The following ATP8B1 variants were observed in gnomAD, a reference collection of about 807,000 sequenced individuals.
ATP8B1 encodes the protein phospholipid-transporting ATPase IC.
A neutral mutation model predicts 149.9 loss-of-function variants in ATP8B1; 80 were observed. That is an observed-to-expected ratio of 0.53 (90% CI 0.45 to 0.64). The LOEUF (loss-of-function observed/expected upper bound fraction) is 0.64. ATP8B1 is among the 30% of genes least tolerant of loss of function. The pLI is 0.00. For missense variants in ATP8B1, 1,247 were observed against 1,552.6 expected (o/e 0.80, Z 3.31); for synonymous variants, 536 against 562.8 (o/e 0.95, Z 0.67).
At chr18:57,693,395 A>AT (rs1290514433) in intron 11 of ATP8B1, among the ~76,000 whole-genome samples, 1 of 152,010 alleles carries the variant, frequency 6.6e-6, no homozygotes, top group African/African-American at 2.4e-5. Context: ...TTTCCCAGTT[A>AT]TTTTTTATTC....
intron 1 of ATP8B1, among the ~76,000 whole-genome samples, chr18:57,738,620 CAATA>C (rs1026851103): frequency 9.5e-5 from 10 of 105,386 alleles, no homozygotes; most frequent in African/African-American, 1.4e-4. Flanking sequence ...ACTCTGCCTC[CAATA>C]AATAAATAAA....
chr18:57,652,246 G>A (rs377048061), intron 25 of ATP8B1, 74 bp from the exon 26 acceptor site: 2 of 1,584,506 alleles, frequency 1.3e-6, no homozygotes. Flanking sequence ...TAACAATCCT[G>A]AAAACAGAAT....
At chr18:57,706,122 A>G (rs958737054) in intron 3 of ATP8B1, among the ~76,000 whole-genome samples, 2 of 152,214 alleles carry the variant, frequency 1.3e-5, no homozygotes, top group Non-Finnish European at 2.9e-5. Flanking sequence ...AAATCTCTAA[A>G]TCCATTCCAG....
intron 1 of ATP8B1, among the ~76,000 whole-genome samples, chr18:57,789,304 G>T (rs1288693741): frequency 6.6e-6 from 1 of 152,088 alleles, no homozygotes; most frequent in Non-Finnish European, 1.5e-5. Context: ...TCGGCTGTGA[G>T]GTCTCGGAAA....
intron 2 of ATP8B1, among the ~76,000 whole-genome samples, chr18:57,724,881 G>GA (rs2079688902): frequency 9.4e-6 from 1 of 106,648 alleles, no homozygotes; most frequent in East Asian, 2.5e-4. Context: ...ACTGGATTAA[G>GA]AAAATGTGGC....
chr18:57,801,600 G>C (rs1330611975), intron 1 of ATP8B1, among the ~76,000 whole-genome samples: 1 of 152,140 alleles, frequency 6.6e-6, no homozygotes, highest in Non-Finnish European at 1.5e-5. Flanking sequence ...ATACGGGCTC[G>C]TATTCACTAT....
intron 15 of ATP8B1, 130 bp downstream of exon 15, chr18:57,683,906 G>T: frequency 8.2e-7 from 1 of 1,226,968 alleles, no homozygotes; most frequent in Non-Finnish European, 1.2e-6. Context: ...TAAGTGCTGA[G>T]AAATATTCAC....
At chr18:57,718,103 T>TAAAAAAAAAAAAAAA (rs59629558) in intron 2 of ATP8B1, among the ~76,000 whole-genome samples, 7 of 31,806 alleles carry the variant, frequency 2.2e-4, no homozygotes, top group Admixed American at 4.0e-4. Context: ...CTGGACTAAC[T>TAAAAAAAAAAAAAAA]AAAAAAAAAA....
intron 3 of ATP8B1, among the ~76,000 whole-genome samples, chr18:57,705,592 G>A (rs1913349801): frequency 6.6e-6 from 1 of 152,130 alleles, no homozygotes; most frequent in African/African-American, 2.4e-5. Flanking sequence ...GATGGAAGCA[G>A]AGATTGGGGT....
rs1052505143 is a variant in ATP8B1, at chr18:57,646,869, A to G, written c.*1619T>C. The G allele has an allele frequency of 2.0e-5, 3 of 152,650 alleles. No individual in the cohort carries two copies. The highest frequency in any genetic ancestry group is 4.4e-5 in the Non-Finnish European group (3 of 68,044). The allele number at this position is 152,650 out of a possible 1,614,324, so 9.5% of individuals were successfully genotyped here. On this transcript the variant is annotated 3_prime_UTR_variant, in exon 28 of 28. Transcript: ENST00000648908. ...AACATTCACAGCCCAATGGTAAAAAACAGAATTCTCGAACTATGGAAACTA... is the reference window on the plus strand; with the variant it reads ...AACATTCACAGCCCAATGGTAAAAAGCAGAATTCTCGAACTATGGAAACTA...
At position 57,701,416 on chromosome 18, in the gene ATP8B1, G is replaced by A. The variant is rs763978306; in HGVS notation, c.394-103C>T. Reference sequence around the variant, plus strand: ...CTTGCTAATTCCAAGTCTCATCACCGTCATCACATAAGTCTACATCCTGCA... The same window carrying A: ...CTTGCTAATTCCAAGTCTCATCACCATCATCACATAAGTCTACATCCTGCA... On this transcript the variant is annotated intron_variant, in intron 4 of 27. Coordinates refer to ENST00000648908, the MANE Select transcript of ATP8B1 (RefSeq NM_001374385.1). 217 of 990,728 alleles carry A rather than the reference G, an allele frequency of 2.2e-4. 1 individual carries two copies. Among genetic ancestry groups the A allele is most frequent in the Non-Finnish European group, 3.2e-4 (202 of 630,488 alleles). The allele number at this position is 990,728 out of a possible 1,614,324, so 61.4% of individuals were successfully genotyped here.
intron 2 of ATP8B1, among the ~76,000 whole-genome samples, chr18:57,709,888 C>T (rs565421240): frequency 6.6e-6 from 1 of 152,200 alleles, no homozygotes; most frequent in African/African-American, 2.4e-5. Context: ...CCATATTGAT[C>T]AGGCTGTTCT....
At chr18:57,773,540 G>A (rs961370921) in intron 1 of ATP8B1, among the ~76,000 whole-genome samples, 10 of 152,124 alleles carry the variant, frequency 6.6e-5, no homozygotes, top group Admixed American at 1.3e-4. Flanking sequence ...CATTCTATAC[G>A]CACTTATTAG....
Position 57,731,789 on chromosome 18 carries a change from A to G in ATP8B1, c.19T>C (p.Ser7Pro). Residue 7 changes from serine to proline, a missense_variant, in exon 2 of 28, where the codon TCA becomes CCA. Around this residue, in one of 3 missense-constraint regions of ATP8B1, gnomAD observed 853 missense variants for 1,035.7 expected, o/e 0.82. Coordinates refer to ENST00000648908, the MANE Select transcript of ATP8B1 (RefSeq NM_001374385.1). MSTERD[S>P]ETTFDEDSQP... is the part of the protein sequence containing the mutation. ...GAATCCTCGTCAAATGTCGTTTCTG[A>G]GTCTCTTTCTGTACTCATTCTGCTG... The G allele has an allele frequency of 6.2e-7, 1 of 1,614,052 alleles. No individual in the cohort carries two copies. The highest frequency in any genetic ancestry group is 8.5e-7 in the Non-Finnish European group (1 of 1,180,002).
intron 17 of ATP8B1, among the ~76,000 whole-genome samples, chr18:57,670,086 C>A (rs1465504544): frequency 6.6e-6 from 1 of 152,254 alleles, no homozygotes; most frequent in East Asian, 1.9e-4. Context: ...TTTTTCTCTT[C>A]ATGACTAGGA....
Position 57,671,506 on chromosome 18 carries a change from T to C in ATP8B1, c.1894A>G (p.Met632Val), listed in dbSNP as rs759637175. The change falls in exon 17 of 28, where the codon ATG becomes GTG. Residue 632 changes from methionine (M) to valine (V), a missense_variant. Physicochemically the swap from Met to Val is conservative, Grantham distance 21. Around this residue, in one of 3 missense-constraint regions of ATP8B1, gnomAD observed 853 missense variants for 1,035.7 expected, o/e 0.82. Transcript: ENST00000648908. ...TGTGTTTCTTGCTTAGTAGGATTCA[T>C]TCGATGTAACCGTTCATAAATAACA... The part of the protein sequence containing the change: ...DTVIYERLHR[M>V]NPTKQETQDA... The C allele has an allele frequency of 1.1e-5, 17 of 1,614,140 alleles. No individual in the cohort carries two copies. In the East Asian group the frequency reaches 1.1e-4, roughly 11 times the overall value.
At chr18:57,753,948 AGAAAG>A (rs1568054993) in intron 1 of ATP8B1, among the ~76,000 whole-genome samples, 3 of 80,484 alleles carry the variant, frequency 3.7e-5, no homozygotes, top group Non-Finnish European at 6.8e-5. Flanking sequence ...AAAAAAAAAA[AGAAAG>A]AAAGAAAAGA....
In ATP8B1 at chr18:57,695,184, T is replaced by A; in HGVS notation, c.927A>T (p.Leu309Phe). Residue 309 changes from leucine (L) to phenylalanine (F), a missense_variant, in exon 10 of 28, where the codon TTA (leucine) becomes TTT (phenylalanine). Around this residue, in one of 3 missense-constraint regions of ATP8B1, gnomAD observed 853 missense variants for 1,035.7 expected, o/e 0.82. Transcript: ENST00000648908. ...VIRNTDFCHG[L>F]VIFAGADTKI... ...CTCTGAACGTACCTGCAAAAATGAC[T>A]AAGCCGTGGCAGAAATCGGTGTTCC... The A allele has an allele frequency of 6.2e-7, 1 of 1,614,036 alleles. No homozygotes were observed. The highest frequency in any genetic ancestry group is 8.5e-7 in the Non-Finnish European group (1 of 1,179,984).
intron 1 of ATP8B1, among the ~76,000 whole-genome samples, chr18:57,799,866 T>C (rs1457449479): frequency 6.6e-6 from 1 of 152,142 alleles, no homozygotes; most frequent in Non-Finnish European, 1.5e-5. Context: ...CAAAAGATCT[T>C]AGATTAGGTA....
Sources: gnomAD v4.1 joint callset for allele counts (sites outside exome capture counted in the v4.1 genomes callset) on GRCh38, gnomAD v4.1.1 for gene constraint, gnomAD v4.1.1 regional missense constraint, MANE v1.5 for transcripts, NCBI Gene and HGNC (gene_info 2026-07-23, HGNC 2026-07-21) for gene names.